FRMD6: variants seen among roughly 807,000 people sequenced by gnomAD.
FRMD6 encodes the protein FERM domain-containing protein 6.
In FRMD6, 37 loss-of-function variants were observed where a neutral mutation model predicts 73.2. The observed-to-expected ratio is 0.51, with a 90% CI of 0.39 to 0.66. The LOEUF is 0.66. Among genes scored for constraint, FRMD6 ranks in the 30% least tolerant of loss-of-function variants. The pLI is 0.00. For synonymous variants in FRMD6, 273 were observed against 282.2 expected (o/e 0.97, Z 0.33); for missense variants, 714 against 780.5 (o/e 0.91, Z 1.02).
intron 1 of FRMD6, among the ~76,000 whole-genome samples, chr14:51,665,898 A>G (rs915713075): frequency 7.9e-5 from 12 of 152,030 alleles, no homozygotes; most frequent in African/African-American, 2.9e-4. Flanking sequence ...TGTGCCTTTC[A>G]CCTTCTGCCA....
chr14:51,573,527 T>C (rs1218593956), intron 2 of FRMD6, among the ~76,000 whole-genome samples: 1 of 152,084 alleles, frequency 6.6e-6, no homozygotes, highest in African/African-American at 2.4e-5. Flanking sequence ...TACAAGAAAG[T>C]AAATATTGTG....
the FRMD6 span, among the ~76,000 whole-genome samples, chr14:51,462,924 G>C: frequency 1.3e-5 from 2 of 152,298 alleles, no homozygotes; most frequent in Admixed American, 1.3e-4. Context: ...CATTAAGCAA[G>C]TAACTGAATC....
chr14:51,494,812 C>A (rs1254514096), intron 1 of FRMD6, among the ~76,000 whole-genome samples: 1 of 152,208 alleles, frequency 6.6e-6, no homozygotes, highest in African/African-American at 2.4e-5. Flanking sequence ...CAGAGCCATT[C>A]TTCCATTGTC....
chr14:51,447,656 C>T, the FRMD6 span, among the ~76,000 whole-genome samples: 1 of 152,206 alleles, frequency 6.6e-6, no homozygotes, highest in African/African-American at 2.4e-5. Context: ...CTCTGGGCAC[C>T]TTGGGTGGAA....
intron 2 of FRMD6, among the ~76,000 whole-genome samples, chr14:51,577,363 A>G (rs1596641399): frequency 6.6e-6 from 1 of 152,162 alleles, no homozygotes; most frequent in African/African-American, 2.4e-5. Context: ...TTTCCATTCA[A>G]CCGTGTTTCA....
intron 2 of FRMD6, among the ~76,000 whole-genome samples, chr14:51,624,750 G>A (rs777713913): frequency 7.9e-5 from 12 of 152,108 alleles, no homozygotes; most frequent in South Asian, 2.1e-4. Flanking sequence ...AAACTGCAGC[G>A]CTGAGATAGC....
At chr14:51,639,725 A>G (rs1372194034) in intron 2 of FRMD6, among the ~76,000 whole-genome samples, 1 of 152,218 alleles carries the variant, frequency 6.6e-6, no homozygotes, top group African/African-American at 2.4e-5. Context: ...ATAAAACAGT[A>G]TCTATCCATG....
At chr14:51,616,132 A>G (rs1449899855) in intron 2 of FRMD6, among the ~76,000 whole-genome samples, 1 of 152,182 alleles carries the variant, frequency 6.6e-6, no homozygotes, top group Non-Finnish European at 1.5e-5. Context: ...GTGGATGTAG[A>G]AAGGCGCATG....
At chr14:51,565,120 AG>A (rs1416637877) in intron 1 of FRMD6, 1 of 152,260 alleles carries the variant, frequency 6.6e-6, no homozygotes, top group African/African-American at 2.4e-5. Flanking sequence ...GCACTGCCTC[AG>A]GGCCTCCTCC....
chr14:51,696,923 T>C (rs1895982577), intron 2 of FRMD6, among the ~76,000 whole-genome samples: 1 of 152,056 alleles, frequency 6.6e-6, no homozygotes, highest in Admixed American at 6.6e-5. Context: ...ACCAATAGGC[T>C]TATGAAAAAA....
chr14:51,730,113 G>A lies in FRMD6; in HGVS notation c.*2084G>A, dbSNP rs1898181649. On this transcript the variant is annotated 3_prime_UTR_variant, in exon 14 of 14. Transcript: ENST00000344768. The stretch of plus-strand genomic sequence containing the variant: ...ATTTCCTTAGCCCTTAGAGTTTCTT[G>A]CAAACATTTAAAAAAAGACATATTT... The A allele has an allele frequency of 6.6e-6, 1 of 152,060 alleles. No homozygotes were observed. Among genetic ancestry groups the A allele is most frequent in the African/African-American group, 2.4e-5 (1 of 41,394 alleles). The allele number at this position is 152,060 out of a possible 1,614,324, so 9.4% of individuals were successfully genotyped here.
chr14:51,591,382 C>T (rs1889383379), intron 2 of FRMD6, among the ~76,000 whole-genome samples: 1 of 152,116 alleles, frequency 6.6e-6, no homozygotes, highest in South Asian at 2.1e-4. Flanking sequence ...CTGATCCAGA[C>T]TTAGAAGTAT....
At chr14:51,660,996 A>G (rs1176304184) in intron 1 of FRMD6, among the ~76,000 whole-genome samples, 4 of 152,182 alleles carry the variant, frequency 2.6e-5, no homozygotes, top group Non-Finnish European at 5.9e-5. Flanking sequence ...AGTAGTAGAT[A>G]AGGTTAGAGA....
intron 1 of FRMD6, among the ~76,000 whole-genome samples, chr14:51,551,802 A>C (rs1886856221): frequency 6.6e-6 from 1 of 151,794 alleles, no homozygotes; most frequent in Non-Finnish European, 1.5e-5. Context: ...TATACAAATA[A>C]ATGCATATAA....
At chr14:51,529,741 G>A (rs1296918364) in intron 1 of FRMD6, among the ~76,000 whole-genome samples, 3 of 152,182 alleles carry the variant, frequency 2.0e-5, no homozygotes, top group Non-Finnish European at 4.4e-5. Context: ...AGCACCTGAG[G>A]TGATATCTCA....
chr14:51,683,118 C>T (rs1894916827), intron 1 of FRMD6, among the ~76,000 whole-genome samples: 1 of 152,182 alleles, frequency 6.6e-6, no homozygotes, highest in Non-Finnish European at 1.5e-5. Flanking sequence ...TTACAACCAA[C>T]AATACGCTTA....
intron 2 of FRMD6, among the ~76,000 whole-genome samples, chr14:51,609,976 G>A (rs911377174): frequency 1.3e-5 from 2 of 152,204 alleles, no homozygotes; most frequent in Non-Finnish European, 2.9e-5. Flanking sequence ...GGAATATCAT[G>A]TTCAGATAGA....
At chr14:51,496,841 G>T (rs956321226) in intron 1 of FRMD6, among the ~76,000 whole-genome samples, 13 of 152,152 alleles carry the variant, frequency 8.5e-5, no homozygotes, top group Admixed American at 6.6e-5. Flanking sequence ...GTGTCTTAAT[G>T]ATTGTGTCTG....
At chr14:51,685,803 G>A (rs115315712) in intron 1 of FRMD6, among the ~76,000 whole-genome samples, 1,855 of 136,558 alleles carry the variant, frequency 0.014, 49 homozygotes, top group African/African-American at 0.049. Flanking sequence ...ACTCATATAG[G>A]TGGAGGGGGA....
Sources: gnomAD v4.1 joint callset for allele counts (sites outside exome capture counted in the v4.1 genomes callset) on GRCh38, gnomAD v4.1.1 for gene constraint, MANE v1.5 for transcripts, NCBI Gene and HGNC (gene_info 2026-07-23, HGNC 2026-07-21) for gene names.